PPP6R2: variants seen among roughly 807,000 people sequenced by gnomAD.
PPP6R2 encodes serine/threonine-protein phosphatase 6 regulatory subunit 2.
Under a neutral mutation model 100.2 loss-of-function variants are expected in PPP6R2, and 62 were observed. The ratio of observed to expected loss-of-function variants is 0.62; its 90% confidence interval spans 0.50 to 0.76. PPP6R2 has a LOEUF of 0.76. Ranked by LOEUF, PPP6R2 falls within the 30% of genes least tolerant of loss-of-function variation. The pLI, the probability that PPP6R2 is intolerant of heterozygous loss-of-function variation, is 0.00. For synonymous variants in PPP6R2, 525 were observed against 514.7 expected (o/e 1.02, Z -0.27); for missense variants, 1,142 against 1,276.3 (o/e 0.89, Z 1.60).
chr22:50,440,188 G>C, intron 21 of PPP6R2, 139 bp downstream of exon 21: 1 of 807,618 alleles, frequency 1.2e-6, no homozygotes. Flanking sequence ...ATTGGGGTTT[G>C]ATACAGCAAT....
intron 1 of PPP6R2, among the ~76,000 whole-genome samples, chr22:50,368,605 A>T (rs2049273176): frequency 6.6e-6 from 1 of 152,082 alleles, no homozygotes; most frequent in Admixed American, 6.6e-5. Context: ...TACTTTATAT[A>T]TTTTATTTAT....
At chr22:50,359,822 A>G (rs917165710) in intron 1 of PPP6R2, among the ~76,000 whole-genome samples, 2 of 152,128 alleles carry the variant, frequency 1.3e-5, no homozygotes. Context: ...TTTTGGTATC[A>G]AGGTAATACT....
intron 3 of PPP6R2, among the ~76,000 whole-genome samples, chr22:50,403,987 G>T (rs1428400952): frequency 6.6e-6 from 1 of 152,174 alleles, no homozygotes; most frequent in Non-Finnish European, 1.5e-5. Flanking sequence ...TCTACCTGGC[G>T]GTGGCCACAT....
intron 10 of PPP6R2, among the ~76,000 whole-genome samples, chr22:50,424,402 A>C (rs866093068): frequency 0.032 from 2,825 of 88,058 alleles, 27 homozygotes; most frequent in East Asian, 0.097. Flanking sequence ...AAGGTCCGTC[A>C]GTGTGTGGAA....
chr22:50,424,220 G>T (rs2147863182), intron 10 of PPP6R2, among the ~76,000 whole-genome samples: 1 of 152,256 alleles, frequency 6.6e-6, no homozygotes, highest in East Asian at 1.9e-4. Flanking sequence ...GGTCCTGTTG[G>T]CAGACGCAGC....
At position 50,431,318 on chromosome 22, in the gene PPP6R2, G is replaced by T. The variant is rs748706892; in HGVS notation, c.1271G>T (p.Gly424Val). The change falls in exon 11 of 24, where the codon GGG (glycine) becomes GTG (valine). Residue 424 changes from glycine to valine, a missense_variant. Physicochemically the swap from Gly to Val is moderately radical, Grantham distance 109 (BLOSUM62 -3). Coordinates refer to ENST00000612753, the MANE Select transcript of PPP6R2 (RefSeq NM_001242898.2). The surrounding 1 kb of genome is among the most constrained non-coding windows in gnomAD (Gnocchi z 4.8). Reference protein sequence around the residue: ...ESRVEPPHENGNRSLETPQPA... With the variant: ...ESRVEPPHENVNRSLETPQPA... The stretch of plus-strand genomic sequence containing the variant: ...AGGGTGGAGCCTCCGCATGAGAACG[G>T]GAACCGGAGCCTGGAGACTCCCCAG... 6.2e-7 allele frequency: 1 copy of T among 1,613,250 alleles called. No individual in the cohort carries two copies.
chr22:50,374,259 T>C (rs1436083228), intron 2 of PPP6R2, among the ~76,000 whole-genome samples: 1 of 152,106 alleles, frequency 6.6e-6, no homozygotes, highest in Non-Finnish European at 1.5e-5. Flanking sequence ...GGCTTGAGTC[T>C]GAAAGGTGGA....
At chr22:50,368,205 G>A (rs1041990042) in intron 1 of PPP6R2, among the ~76,000 whole-genome samples, 5 of 152,234 alleles carry the variant, frequency 3.3e-5, no homozygotes, top group Non-Finnish European at 5.9e-5. Context: ...AGACGTTTAC[G>A]CCTCCAGATG....
At chr22:50,380,677 C>T (rs2052680370) in intron 2 of PPP6R2, among the ~76,000 whole-genome samples, 1 of 150,572 alleles carries the variant, frequency 6.6e-6, no homozygotes, top group African/African-American at 2.4e-5. Context: ...TTTTCAACAA[C>T]CAGTTCTCTT....
chr22:50,423,556 C>G lies in PPP6R2; in HGVS notation c.1067C>G (p.Thr356Arg). ...GARLMAALLH[T>R]NTPSINQELC... Reference sequence around the variant, plus strand: ...CGCCTCATGGCAGCACTGCTGCACACAAACACACCCAGCATCAACCAGGAG... The same window carrying G: ...CGCCTCATGGCAGCACTGCTGCACAGAAACACACCCAGCATCAACCAGGAG... The change falls in exon 10 of 24, where the codon ACA becomes AGA. Residue 356 changes from threonine (T) to arginine (R), a missense_variant. Coordinates refer to ENST00000612753, the MANE Select transcript of PPP6R2 (RefSeq NM_001242898.2). This position sits in a 1 kb window ranked among gnomAD's most constrained non-coding sequence, Gnocchi z 4.8. 1.2e-6 allele frequency: 2 copies of G among 1,614,230 alleles called. No homozygotes were observed. The highest frequency in any genetic ancestry group is 1.7e-6 in the Non-Finnish European group (2 of 1,180,046).
At chr22:50,406,997 C>A in intron 4 of PPP6R2, 122 bp downstream of exon 4, 1 of 976,958 alleles carries the variant, frequency 1.0e-6, no homozygotes, top group Non-Finnish European at 1.6e-6. Context: ...TGTGACTCTT[C>A]TGCGCAACAC....
chr22:50,406,859 C>G lies in PPP6R2; in HGVS notation c.398C>G (p.Ala133Gly). Residue 133 changes from alanine to glycine, a missense_variant, in exon 4 of 24, where the codon GCA becomes GGA. Physicochemically the swap from Ala to Gly is moderately conservative, Grantham distance 60. This residue lies in a region of PPP6R2 where 592 missense variants were observed against 758.9 expected (regional missense o/e 0.78). Coordinates refer to ENST00000612753, the MANE Select transcript of PPP6R2 (RefSeq NM_001242898.2). ...AGCAAGACCATTGGCAATCTCATTG[C>G]AAGAAAAACCGAACAGGTAAATCAC... ...FFSKTIGNLI[A>G]RKTEQVITFL... The G allele has an allele frequency of 6.2e-7, 1 of 1,613,866 alleles. No homozygotes were observed. The highest frequency in any genetic ancestry group is 8.5e-7 in the Non-Finnish European group (1 of 1,179,792).
At chr22:50,332,394 T>C in the PPP6R2 span, among the ~76,000 whole-genome samples, 3 of 151,602 alleles carry the variant, frequency 2.0e-5, no homozygotes, top group African/African-American at 4.8e-5. Context: ...CCACACCTGG[T>C]TAATTTTTTG....
At chr22:50,365,331 A>G (rs1165086948) in intron 1 of PPP6R2, among the ~76,000 whole-genome samples, 1 of 151,862 alleles carries the variant, frequency 6.6e-6, no homozygotes, top group Non-Finnish European at 1.5e-5. Context: ...TCGGCCTCCC[A>G]AAGTGCTGGG....
intron 1 of PPP6R2, among the ~76,000 whole-genome samples, chr22:50,357,868 TC>T (rs2046945124): frequency 6.6e-6 from 1 of 151,824 alleles, no homozygotes; most frequent in Non-Finnish European, 1.5e-5. Flanking sequence ...TCGTGATTCG[TC>T]CTCCTTGGCC....
chr22:50,342,362 G>A (rs1216631724), upstream of PPP6R2, among the ~76,000 whole-genome samples: 1 of 152,264 alleles, frequency 6.6e-6, no homozygotes, highest in Admixed American at 6.5e-5. Context: ...GCTCGCCAGA[G>A]GCATCTGCTA....
chr22:50,339,348 G>T (rs1286587430), upstream of PPP6R2, among the ~76,000 whole-genome samples: 1 of 145,356 alleles, frequency 6.9e-6, no homozygotes, highest in Non-Finnish European at 1.5e-5. Context: ...GGTATGTAGT[G>T]TGTGGTATGT....
intron 21 of PPP6R2, 38 bp from the exon 22 acceptor site, chr22:50,440,784 C>T (rs1367629758): frequency 1.9e-6 from 3 of 1,606,698 alleles, no homozygotes; most frequent in Non-Finnish European, 1.7e-6. Flanking sequence ...TGTGACCCCT[C>T]CTGCCTCACT....
chr22:50,365,298 C>T (rs1309011607), intron 1 of PPP6R2, among the ~76,000 whole-genome samples: 2 of 151,892 alleles, frequency 1.3e-5, no homozygotes, highest in African/African-American at 2.4e-5. Flanking sequence ...CTTGAACTCC[C>T]GACCTCAGGC....
Sources: allele counts gnomAD v4.1 joint callset (sites outside exome capture counted in the v4.1 genomes callset), GRCh38; gene constraint gnomAD v4.1.1; regional missense constraint gnomAD v4.1.1; non-coding constraint Gnocchi (gnomAD v3.1); transcripts MANE v1.5; gene names NCBI Gene and HGNC (gene_info 2026-07-23, HGNC 2026-07-21).